TBX18: variants seen among roughly 807,000 people sequenced by gnomAD.
The protein encoded by TBX18 is T-box transcription factor 18.
TBX18 carries 21 observed loss-of-function variants against 55.0 expected under a neutral mutation model. The ratio of observed to expected loss-of-function variants is 0.38; its 90% confidence interval spans 0.27 to 0.55. The LOEUF (loss-of-function observed/expected upper bound fraction) is 0.55. Ranked by LOEUF, TBX18 falls within the 20% of genes least tolerant of loss-of-function variation. TBX18 has a pLI of 0.73. For synonymous variants in TBX18, 342 were observed against 326.1 expected, an observed-to-expected ratio of 1.05 and a Z score of -0.53; for missense variants, 840 against 799.6, an observed-to-expected ratio of 1.05 and a Z score of -0.61.
At chr6:84,756,600 G>C (rs1767494110) in intron 4 of TBX18, 98 bp downstream of exon 4, 3 of 1,183,326 alleles carry the variant, frequency 2.5e-6, no homozygotes, top group Non-Finnish European at 3.6e-6. Flanking sequence ...ATCAGGCAAT[G>C]AACATTATGA....
At chr6:84,741,510 C>T (rs898078028) in intron 6 of TBX18, 2 of 152,114 alleles carry the variant, frequency 1.3e-5, no homozygotes, top group Non-Finnish European at 2.9e-5. Flanking sequence ...CTTTTAAGGG[C>T]CGAAGCTACT....
In TBX18 at chr6:84,736,930, A is replaced by T. The variant is rs1428314196; in HGVS notation, c.1579T>A (p.Cys527Ser). The change falls in exon 8 of 8, where the codon TGT becomes AGT. Residue 527 changes from cysteine to serine, a missense_variant. Transcript: ENST00000369663. ...SYNTFRLHSP[C>S]ALYGYNFSTS... The stretch of plus-strand genomic sequence containing the variant: ...GAGAAGTTATATCCATATAGTGCAC[A>T]GGGGCTGTGTAATCTAAAAGTATTA... The T allele has an allele frequency of 1.2e-6, 2 of 1,611,144 alleles. No individual in the cohort carries two copies. The highest frequency in any genetic ancestry group is 1.7e-6 in the Non-Finnish European group (2 of 1,178,288).
chr6:84,753,799 T>C (rs2295011), intron 4 of TBX18, among the ~76,000 whole-genome samples: 20,205 of 152,190 alleles, frequency 0.13, 1,540 homozygotes, highest in Admixed American at 0.24. Context: ...TTCCCATCTT[T>C]CCTGGCTGGA....
chr6:84,739,134 C>T (rs906680918), intron 6 of TBX18, among the ~76,000 whole-genome samples: 33 of 152,076 alleles, frequency 2.2e-4, no homozygotes, highest in Non-Finnish European at 4.1e-4. Flanking sequence ...CTACTACACC[C>T]AGTGTAGCCA....
At chr6:84,756,954 T>C (rs754682039) in intron 3 of TBX18, 85 bp from the exon 4 acceptor site, 23 of 1,302,570 alleles carry the variant, frequency 1.8e-5, no homozygotes, top group Non-Finnish European at 2.4e-5. Flanking sequence ...TGTGTGCCTA[T>C]TTTGTTTCAG....
At chr6:84,749,550 T>C (rs184295748) in intron 4 of TBX18, among the ~76,000 whole-genome samples, 127 of 151,536 alleles carry the variant, frequency 8.4e-4, no homozygotes, top group African/African-American at 3.0e-3. Context: ...AGGTAGCACA[T>C]GATCATGCCA....
chr6:84,748,027 C>T lies in TBX18; in HGVS notation c.832G>A (p.Gly278Arg). The T allele has an allele frequency of 6.2e-7, 1 of 1,613,654 alleles. No homozygotes were observed. The highest frequency in any genetic ancestry group is 1.7e-4 in the Middle Eastern group (1 of 6,056). The stretch of plus-strand genomic sequence containing the variant: ...GGCTTGATGGGAGAAAGATCGTCTC[C>T]ACAGTCTTTACGGATGACGTGCACT... ...PRVHVIRKDC[G>R]DDLSPIKPVP... Residue 278 changes from glycine (G) to arginine (R), a missense_variant, in exon 5 of 8, where the codon GGA becomes AGA. By Grantham distance (125) the Gly-to-Arg change is moderately radical. Coordinates refer to ENST00000369663, the MANE Select transcript of TBX18 (RefSeq NM_001080508.3).
rs200170905 is a variant in TBX18 at position 84,763,975 on chromosome 6, T to G, written c.207A>C (p.Gly69=). The G allele has an allele frequency of 3.9e-5, 61 of 1,580,714 alleles. No individual in the cohort carries two copies. In the East Asian group the frequency reaches 1.4e-3, roughly 36 times the overall value. ...GGAGEKGSSE[G]DEGAALPPPA... ...GCGGCGGGAGCGCAGCGCCTTCGTC[T>G]CCCTCAGAAGAACCCTTTTCGCCCG... The change falls in exon 1 of 8, where the codon GGA becomes GGC. Residue 69 remains glycine (G), a synonymous_variant. Coordinates refer to ENST00000369663, the MANE Select transcript of TBX18 (RefSeq NM_001080508.3).
intron 2 of TBX18, among the ~76,000 whole-genome samples, 180 bp downstream of exon 2, chr6:84,762,364 G>A (rs1767672783): frequency 6.6e-6 from 1 of 152,234 alleles, no homozygotes; most frequent in Non-Finnish European, 1.5e-5. Context: ...GACTGCACTA[G>A]TGGTGGGTAG....
chr6:84,762,737 C>T lies in TBX18; in HGVS notation c.304G>A (p.Asp102Asn), dbSNP rs758617709. Residue 102 changes from aspartate to asparagine, a missense_variant, in exon 2 of 8, where the codon GAC (aspartate) becomes AAC (asparagine). By Grantham distance (23) the Asp-to-Asn change is conservative. Transcript: ENST00000369663. ...LERGAAGGCEDGFQQGASPLA... is the reference protein window; with the variant it reads ...LERGAAGGCENGFQQGASPLA... ...GGGGAAGCTCCCTGCTGGAAGCCGTCCTCACAGCCGCCTGGACAGCAAAGG... is the reference window on the plus strand; with the variant it reads ...GGGGAAGCTCCCTGCTGGAAGCCGTTCTCACAGCCGCCTGGACAGCAAAGG... 6.2e-7 allele frequency: 1 copy of T among 1,603,618 alleles called. No homozygotes were observed. The highest frequency in any genetic ancestry group is 8.5e-7 in the Non-Finnish European group (1 of 1,175,546).
chr6:84,744,383 T>C (rs1767127382), intron 5 of TBX18, 58 bp from the exon 6 acceptor site: 3 of 1,519,400 alleles, frequency 2.0e-6, no homozygotes, highest in South Asian at 1.2e-5. Context: ...AAGTTTTTAC[T>C]TGGTTGCAAA....
At position 84,733,627 on chromosome 6, in the gene TBX18, C is replaced by A. The variant is rs753596305; in HGVS notation, c.*3058G>T. On this transcript the variant is annotated 3_prime_UTR_variant, in exon 8 of 8. Coordinates refer to ENST00000369663, the MANE Select transcript of TBX18 (RefSeq NM_001080508.3). ...CTGCAGAGTTTAGTTAGGGATCTCT[C>A]TTCTTGCACCTTCTCCTTCCCATAC... 3 of 152,200 alleles carry A rather than the reference C, an allele frequency of 2.0e-5. No individual in the cohort carries two copies. Among genetic ancestry groups the A allele is most frequent in the Admixed American group, 1.3e-4 (2 of 15,282 alleles). The allele number at this position is 152,200 out of a possible 1,614,324, so 9.4% of individuals were successfully genotyped here. A position where few individuals can be genotyped will look rare whatever the true frequency, so the allele number is the denominator to read the frequency against.
At chr6:84,741,444 G>T (rs773231941) in intron 6 of TBX18, 7 of 152,184 alleles carry the variant, frequency 4.6e-5, no homozygotes, top group Non-Finnish European at 7.4e-5. Context: ...ACTGAAGAAT[G>T]AAACTATTCT....
At position 84,737,190 on chromosome 6, in the gene TBX18, C is replaced by T. The variant is rs1766893332; in HGVS notation, c.1319G>A (p.Arg440Lys). 6.2e-7 allele frequency: 1 copy of T among 1,613,268 alleles called. No individual in the cohort carries two copies. Among genetic ancestry groups the T allele is most frequent in the Middle Eastern group, 1.7e-4 (1 of 6,054 alleles). ...YSTSLAETYN[R>K]LTNQAGETFA... ...GGTCTCACCAGCCTGGTTGGTGAGC[C>T]TGTTGTAGGTCTCTGCCAAAGATGT... Residue 440 changes from arginine to lysine, a missense_variant, in exon 8 of 8, where the codon AGG becomes AAG. By Grantham distance (26) the Arg-to-Lys change is conservative. Transcript: ENST00000369663.
rs774379422 is a variant in TBX18 at position 84,763,950 on chromosome 6, G to A, written c.232C>T (p.Pro78Ser). Residue 78 changes from proline (P) to serine (S), a missense_variant, in exon 1 of 8, where the codon CCG (proline) becomes TCG (serine). Physicochemically the swap from Pro to Ser is moderately conservative, Grantham distance 74. Coordinates refer to ENST00000369663, the MANE Select transcript of TBX18 (RefSeq NM_001080508.3). The stretch of plus-strand genomic sequence containing the variant: ...GCCGGCCCAGACGTCGCCCCAGCCG[G>A]CGGCGGGAGCGCAGCGCCTTCGTCT... ...EGDEGAALPP[P>S]AGATSGPARS... is the part of the protein sequence containing the mutation. The A allele has an allele frequency of 6.3e-7, 1 of 1,579,170 alleles. No homozygotes were observed. The highest frequency in any genetic ancestry group is 8.6e-7 in the Non-Finnish European group (1 of 1,168,766).
intron 6 of TBX18, among the ~76,000 whole-genome samples, chr6:84,740,247 C>G (rs1316933524): frequency 6.6e-6 from 1 of 152,104 alleles, no homozygotes; most frequent in Non-Finnish European, 1.5e-5. Context: ...CAATGTGCCA[C>G]AGAGAGAGAA....
intron 7 of TBX18, 49 bp from the exon 8 acceptor site, chr6:84,737,458 C>A (rs1766912921): frequency 1.3e-6 from 2 of 1,482,638 alleles, no homozygotes; most frequent in African/African-American, 1.4e-5. Context: ...TCATCCTTTC[C>A]TTTCAATTTT....
At chr6:84,751,964 AAAC>A (rs1178859436) in intron 4 of TBX18, among the ~76,000 whole-genome samples, 2 of 152,250 alleles carry the variant, frequency 1.3e-5, no homozygotes, top group African/African-American at 4.8e-5. Flanking sequence ...CTGGTCGTAT[AAAC>A]AAGAAGACCA....
chr6:84,759,572 G>C (rs1767591567), intron 3 of TBX18, among the ~76,000 whole-genome samples: 3 of 150,818 alleles, frequency 2.0e-5, no homozygotes, highest in Admixed American at 2.0e-4. Flanking sequence ...AGTAAAGATT[G>C]GTTTGAAACT....
Sources: gnomAD v4.1 joint callset for allele counts (sites outside exome capture counted in the v4.1 genomes callset) on GRCh38, gnomAD v4.1.1 for gene constraint, MANE v1.5 for transcripts, NCBI Gene and HGNC (gene_info 2026-07-23, HGNC 2026-07-21) for gene names.